ZNF385D: variants seen among roughly 807,000 people sequenced by gnomAD.
The protein encoded by ZNF385D is zinc finger protein 659.
In ZNF385D, 15 loss-of-function variants were observed where a neutral mutation model predicts 35.8. That is an observed-to-expected ratio of 0.42 (90% CI 0.28 to 0.64). ZNF385D has a LOEUF of 0.64. Ranked by LOEUF, ZNF385D falls within the 30% of genes least tolerant of loss-of-function variation. ZNF385D has a pLI of 0.23. For missense variants in ZNF385D, 474 were observed against 494.6 expected (o/e 0.96, Z 0.39); for synonymous variants, 212 against 186.8 (o/e 1.13, Z -1.10).
chr3:21,668,608 T>C (rs182043360), intron 1 of ZNF385D, among the ~76,000 whole-genome samples: 6 of 152,330 alleles, frequency 3.9e-5, no homozygotes, highest in Admixed American at 1.3e-4. Flanking sequence ...AGCACTGATA[T>C]TGAGGCACGA....
intron 3 of ZNF385D, among the ~76,000 whole-genome samples, chr3:21,901,977 G>C (rs1699438260): frequency 6.6e-6 from 1 of 152,114 alleles, no homozygotes; most frequent in Admixed American, 6.6e-5. Flanking sequence ...GATGGTCACA[G>C]TCTCTCTGTC....
At chr3:21,721,130 T>C (rs13100001) in intron 1 of ZNF385D, among the ~76,000 whole-genome samples, 25,710 of 152,054 alleles carry the variant, frequency 0.17, 2,624 homozygotes, top group Admixed American at 0.3. Flanking sequence ...TTTATATCCT[T>C]AGAAAGGAGC....
chr3:21,447,531 T>C (rs1437191777), intron 4 of ZNF385D, among the ~76,000 whole-genome samples: 1 of 152,220 alleles, frequency 6.6e-6, no homozygotes, highest in Non-Finnish European at 1.5e-5. Context: ...TTTTCAGTGA[T>C]TGCCTTTGGT....
At chr3:22,001,242 A>T (rs1695825747) in intron 3 of ZNF385D, among the ~76,000 whole-genome samples, 2 of 152,116 alleles carry the variant, frequency 1.3e-5, no homozygotes, top group Admixed American at 1.3e-4. Context: ...GCTGCCTACA[A>T]GAAACTCACT....
intron 3 of ZNF385D, among the ~76,000 whole-genome samples, chr3:22,006,889 CTG>C (rs929750567): frequency 6.6e-6 from 1 of 151,668 alleles, no homozygotes; most frequent in African/African-American, 2.4e-5. Flanking sequence ...ACCAAGAGAA[CTG>C]TGTTTTATAA....
intron 3 of ZNF385D, among the ~76,000 whole-genome samples, chr3:22,154,409 T>C (rs113764001): frequency 1.3e-5 from 2 of 152,238 alleles, no homozygotes; most frequent in South Asian, 2.1e-4. Flanking sequence ...AGGACCAACA[T>C]TTCTCAACTC....
chr3:21,927,034 TG>T (rs1486445544), intron 3 of ZNF385D, among the ~76,000 whole-genome samples: 1 of 152,174 alleles, frequency 6.6e-6, no homozygotes, highest in Non-Finnish European at 1.5e-5. Context: ...CACTCCTGAA[TG>T]GCTTAGTGTC....
At chr3:22,239,680 C>T (rs1016196865) in intron 2 of ZNF385D, among the ~76,000 whole-genome samples, 1 of 150,724 alleles carries the variant, frequency 6.6e-6, no homozygotes, top group African/African-American at 2.5e-5. Flanking sequence ...TAAAAATATC[C>T]TCCAATAAAC....
chr3:22,038,097 A>T (rs1698449517), intron 3 of ZNF385D, among the ~76,000 whole-genome samples: 1 of 152,206 alleles, frequency 6.6e-6, no homozygotes, highest in Non-Finnish European at 1.5e-5. Context: ...TTAAAGACTT[A>T]AATGTTAGGC....
chr3:22,103,041 T>C (rs1702025060), intron 3 of ZNF385D, among the ~76,000 whole-genome samples: 1 of 151,412 alleles, frequency 6.6e-6, no homozygotes. Context: ...CTGGCTTTTA[T>C]GCAACTAAAG....
chr3:22,137,301 A>G (rs1022140515), intron 3 of ZNF385D, among the ~76,000 whole-genome samples: 2 of 152,158 alleles, frequency 1.3e-5, no homozygotes, highest in African/African-American at 2.4e-5. Context: ...AAACGAGGGA[A>G]TCCTCCCTAA....
intron 3 of ZNF385D, chr3:22,134,221 G>C (rs539598843): frequency 1.3e-5 from 2 of 151,964 alleles, no homozygotes; most frequent in East Asian, 3.9e-4. Flanking sequence ...AAAGGAAAAG[G>C]ACAGGAAAAT....
intron 3 of ZNF385D, among the ~76,000 whole-genome samples, chr3:21,782,265 G>A (rs1036162351): frequency 6.6e-6 from 1 of 152,096 alleles, no homozygotes; most frequent in Non-Finnish European, 1.5e-5. Context: ...CCAAGTGGAG[G>A]TCACAATGTG....
intron 3 of ZNF385D, among the ~76,000 whole-genome samples, chr3:22,060,502 T>C (rs1322830442): frequency 6.6e-6 from 1 of 152,200 alleles, no homozygotes; most frequent in Non-Finnish European, 1.5e-5. Flanking sequence ...ATTAAACCAT[T>C]ACTTTGTCAA....
intron 3 of ZNF385D, among the ~76,000 whole-genome samples, chr3:21,848,809 A>G (rs990848538): frequency 1.8e-4 from 27 of 152,196 alleles, no homozygotes; most frequent in African/African-American, 4.3e-4. Context: ...CCAAACATAT[A>G]AAGAAGGGGA....
chr3:21,421,418 T>C lies in ZNF385D; in HGVS notation c.984A>G (p.Ser328=). Residue 328 remains serine, a synonymous_variant, in exon 8 of 8, where the codon TCA becomes TCG. Transcript: ENST00000281523. ...GVKLVFSKEP[S]KPLAPRILPN... ...GTAGAATTCGTGGAGCCAATGGCTT[T>C]GAAGGTTCTTTTGAAAATACTAATT... is the stretch of plus-strand genomic sequence containing the variant. 4 of 1,613,484 alleles carry C rather than the reference T, an allele frequency of 2.5e-6. No individual in the cohort carries two copies. Among genetic ancestry groups the C allele is most frequent in the Non-Finnish European group, 3.4e-6 (4 of 1,179,576 alleles).
chr3:22,209,956 A>G (rs1214236846), intron 2 of ZNF385D, among the ~76,000 whole-genome samples: 2 of 151,892 alleles, frequency 1.3e-5, no homozygotes, highest in African/African-American at 4.8e-5. Context: ...TAATTTCTAG[A>G]TATTGAAAAC....
chr3:21,536,169 A>G (rs1340784658), intron 3 of ZNF385D, among the ~76,000 whole-genome samples: 3 of 152,096 alleles, frequency 2.0e-5, no homozygotes, highest in African/African-American at 4.8e-5. Flanking sequence ...CTAGCTGACA[A>G]TTGGGAATTT....
At chr3:21,433,332 A>G (rs1701392275) in intron 5 of ZNF385D, among the ~76,000 whole-genome samples, 1 of 152,228 alleles carries the variant, frequency 6.6e-6, no homozygotes, top group African/African-American at 2.4e-5. Context: ...ACTTAATGCT[A>G]CAGACCCTAT....
Sources: allele counts gnomAD v4.1 joint callset (sites outside exome capture counted in the v4.1 genomes callset), GRCh38; gene constraint gnomAD v4.1.1; transcripts MANE v1.5; gene names NCBI Gene and HGNC (gene_info 2026-07-23, HGNC 2026-07-21).